The following PCLO variants were observed in gnomAD, a reference collection of about 807,000 sequenced individuals.
The protein encoded by PCLO is protein piccolo.
In PCLO, 82 loss-of-function variants were observed where a neutral mutation model predicts 427.5. That is an observed-to-expected ratio of 0.19 (90% CI 0.16 to 0.23). The LOEUF (loss-of-function observed/expected upper bound fraction) is 0.23, where lower values mean the gene tolerates loss of function less well. Among genes scored for constraint, PCLO ranks in the 10% least tolerant of loss-of-function variants. The pLI, the probability that PCLO is intolerant of heterozygous loss-of-function variation, is 1.00. For missense variants in PCLO, 6,239 were observed against 6,115.9 expected, an observed-to-expected ratio of 1.02 and a Z score of -0.67; for synonymous variants, 2,357 against 2,155.4, an observed-to-expected ratio of 1.09 and a Z score of -2.59.
rs201508197 is a variant in PCLO at position 82,952,581 on chromosome 7, G to A, written c.8372C>T (p.Ala2791Val). Residue 2791 changes from alanine to valine, a missense_variant, in exon 5 of 25, where the codon GCC (alanine) becomes GTC (valine). Ala to Val is a moderately conservative substitution (Grantham distance 64, BLOSUM62 0). Around this residue, in one of 5 missense-constraint regions of PCLO, gnomAD observed 4,677 missense variants for 4,468.4 expected, o/e 1.05. Transcript: ENST00000333891. ...TSSIVTPVSL[A>V]TETVTFVTCT... ...TGTGACAAAGGTCACTGTCTCAGTG[G>A]CCAGAGATACAGGAGTCACTATTGA... 1.9e-6 allele frequency: 3 copies of A among 1,613,816 alleles called. No homozygotes were observed. The highest frequency in any genetic ancestry group is 1.7e-5 in the Admixed American group (1 of 60,018).
chr7:83,001,212 C>T lies in PCLO; in HGVS notation c.3301-34725G>A, dbSNP rs570267552. 6.7e-4 allele frequency among the ~76,000 whole-genome samples: 102 copies of T among 151,996 alleles called. 5 individuals are homozygous for T. In the South Asian group the frequency reaches 0.021, roughly 31 times the overall value. ...GTGAATTTTAAAAGTCTGGAAACCACGGTCCTATGGTATGTCAGTGGAATG... is the reference window on the plus strand; with the variant it reads ...GTGAATTTTAAAAGTCTGGAAACCATGGTCCTATGGTATGTCAGTGGAATG... On this transcript the variant is annotated intron_variant, in intron 3 of 24. Coordinates refer to ENST00000333891, the MANE Select transcript of PCLO (RefSeq NM_033026.6).
intron 3 of PCLO, among the ~76,000 whole-genome samples, chr7:82,990,235 T>C (rs758929910): frequency 2.0e-5 from 3 of 152,092 alleles, no homozygotes; most frequent in Non-Finnish European, 4.4e-5. Flanking sequence ...TATCCAAGAA[T>C]GACATCAAAG....
intron 14 of PCLO, among the ~76,000 whole-genome samples, chr7:82,839,828 G>A (rs984701941): frequency 6.6e-6 from 1 of 151,954 alleles, no homozygotes; most frequent in African/African-American, 2.4e-5. Context: ...CAATCACAGC[G>A]ACTCCAGTGC....
intron 3 of PCLO, among the ~76,000 whole-genome samples, chr7:83,007,062 T>C (rs1420408546): frequency 1.3e-5 from 2 of 151,578 alleles, no homozygotes; most frequent in Admixed American, 6.6e-5. Context: ...GCTTTGTTTA[T>C]AGATGTATCC....
chr7:82,855,932 A>G (rs1036645761), intron 10 of PCLO, among the ~76,000 whole-genome samples: 19 of 152,124 alleles, frequency 1.2e-4, no homozygotes, highest in African/African-American at 4.6e-4. Flanking sequence ...TATTTTTTCA[A>G]TAAAAATTGC....
At chr7:83,139,243 T>C (rs1258880053) in intron 2 of PCLO, among the ~76,000 whole-genome samples, 1 of 152,156 alleles carries the variant, frequency 6.6e-6, no homozygotes, top group Non-Finnish European at 1.5e-5. Flanking sequence ...TGAATAAATA[T>C]TCTACATATA....
chr7:83,120,486 A>G (rs1400917228), intron 3 of PCLO, among the ~76,000 whole-genome samples: 2 of 152,010 alleles, frequency 1.3e-5, no homozygotes, highest in Admixed American at 1.3e-4. Context: ...TTCAAGTACA[A>G]GCAGGTCATA....
chr7:82,951,302 G>A lies in PCLO; in HGVS notation c.9286C>T (p.Pro3096Ser). Residue 3096 changes from proline to serine, a missense_variant, in exon 6 of 25, where the codon CCA becomes TCA. This residue lies in a region of PCLO where 4,677 missense variants were observed against 4,468.4 expected (regional missense o/e 1.05). Coordinates refer to ENST00000333891, the MANE Select transcript of PCLO (RefSeq NM_033026.6). ...NGVVYSSVAT[P>S]TPSTFAITTQ... ...GTGATAGCAAATGTAGAGGGTGTTGGAGTTGCTACTGAAGAATAGACAACA... is the reference window on the plus strand; with the variant it reads ...GTGATAGCAAATGTAGAGGGTGTTGAAGTTGCTACTGAAGAATAGACAACA... The A allele has an allele frequency of 3.7e-6, 6 of 1,612,998 alleles. No individual in the cohort carries two copies. Among genetic ancestry groups the A allele is most frequent in the Non-Finnish European group, 5.1e-6 (6 of 1,179,520 alleles).
At chr7:83,045,717 G>C (rs1480203227) in intron 3 of PCLO, among the ~76,000 whole-genome samples, 1 of 151,972 alleles carries the variant, frequency 6.6e-6, no homozygotes, top group African/African-American at 2.4e-5. Flanking sequence ...TAGAAATATA[G>C]AAAAATGAGG....
chr7:82,905,839 T>C (rs1794176279), intron 8 of PCLO, among the ~76,000 whole-genome samples: 1 of 151,826 alleles, frequency 6.6e-6, no homozygotes, highest in South Asian at 2.1e-4. Context: ...AGTGAAGGGA[T>C]TTTATAATAG....
intron 20 of PCLO, among the ~76,000 whole-genome samples, chr7:82,815,533 G>A (rs564883060): frequency 6.6e-6 from 1 of 152,024 alleles, no homozygotes; most frequent in Non-Finnish European, 1.5e-5. Context: ...AAAATACAGT[G>A]TGATCTATAG....
At position 82,955,909 on chromosome 7, in the gene PCLO, C is replaced by T; in HGVS notation, c.5044G>A (p.Ala1682Thr). ...LNSTIADKYSAESSQKKTSLY... is the reference protein window; with the variant it reads ...LNSTIADKYSTESSQKKTSLY... The stretch of plus-strand genomic sequence containing the variant: ...CTTGTTTTTTTCTGTGATGACTCTG[C>T]AGAATATTTATCTGCTATTGTACTG... Residue 1682 changes from alanine to threonine, a missense_variant, in exon 5 of 25, where the codon GCA becomes ACA. Transcript: ENST00000333891. 6.2e-7 allele frequency: 1 copy of T among 1,613,904 alleles called. No homozygotes were observed. Among genetic ancestry groups the T allele is most frequent in the Non-Finnish European group, 8.5e-7 (1 of 1,179,870 alleles).
At chr7:83,084,635 T>C (rs1158469921) in intron 3 of PCLO, among the ~76,000 whole-genome samples, 1 of 152,236 alleles carries the variant, frequency 6.6e-6, no homozygotes, top group East Asian at 1.9e-4. Flanking sequence ...GTAAGTTCAG[T>C]GTACCTCATA....
In PCLO at chr7:82,924,803, C is replaced by T. The variant is rs967447980; in HGVS notation, c.11113-7930G>A. Among the ~76,000 whole-genome samples the T allele has an allele frequency of 5.9e-5, 9 of 151,384 alleles. No homozygotes were observed. The East Asian group carries it at 1.2e-3, about 20-fold the overall frequency. Reference sequence around the variant, plus strand: ...GAAACTCCTACTATCTTAAAAATAACTTAAGAAAAAAAGGAATTAGAACAA... The same window carrying T: ...GAAACTCCTACTATCTTAAAAATAATTTAAGAAAAAAAGGAATTAGAACAA... On this transcript the variant is annotated intron_variant, in intron 6 of 24. Transcript: ENST00000333891.
chr7:82,776,666 G>T (rs1376824727), intron 22 of PCLO, among the ~76,000 whole-genome samples: 1 of 152,018 alleles, frequency 6.6e-6, no homozygotes, highest in Non-Finnish European at 1.5e-5. Context: ...GTGATGGCGT[G>T]CGCCTGTAAT....
intron 3 of PCLO, among the ~76,000 whole-genome samples, chr7:83,083,355 T>C (rs944105709): frequency 1.2e-4 from 18 of 152,010 alleles, no homozygotes; most frequent in African/African-American, 4.3e-4. Context: ...CTCAACTTTA[T>C]TAAACAGTAT....
intron 3 of PCLO, among the ~76,000 whole-genome samples, chr7:83,050,313 T>C (rs1789219296): frequency 7.0e-6 from 1 of 143,108 alleles, no homozygotes; most frequent in South Asian, 2.2e-4. Context: ...GCAAATACTT[T>C]CTAAACCAAT....
At chr7:83,153,250 A>AT (rs1422706824) in intron 2 of PCLO, among the ~76,000 whole-genome samples, 1 of 150,952 alleles carries the variant, frequency 6.6e-6, no homozygotes, top group Non-Finnish European at 1.5e-5. Context: ...TATATAAACT[A>AT]CTTATAATCT....
chr7:83,077,045 A>G (rs1183924758), intron 3 of PCLO, among the ~76,000 whole-genome samples: 1 of 151,994 alleles, frequency 6.6e-6, no homozygotes, highest in African/African-American at 2.4e-5. Context: ...TTTTGCATAT[A>G]GCATCTGTAT....
Sources: gnomAD v4.1 joint callset for allele counts (sites outside exome capture counted in the v4.1 genomes callset) on GRCh38, gnomAD v4.1.1 for gene constraint, gnomAD v4.1.1 regional missense constraint, MANE v1.5 for transcripts, NCBI Gene and HGNC (gene_info 2026-07-23, HGNC 2026-07-21) for gene names.